FLT3: variants seen among roughly 807,000 people sequenced by gnomAD.
The protein encoded by FLT3 is receptor-type tyrosine-protein kinase FLT3.
A neutral mutation model predicts 126.6 loss-of-function variants in FLT3; 46 were observed. That is an observed-to-expected ratio of 0.36 (90% CI 0.29 to 0.46). The LOEUF (loss-of-function observed/expected upper bound fraction) is 0.46. Ranked by LOEUF, FLT3 falls within the 20% of genes least tolerant of loss-of-function variation. FLT3 has a pLI of 1.00. For missense variants in FLT3, 1,069 were observed against 1,190.3 expected, an observed-to-expected ratio of 0.90 and a Z score of 1.50; for synonymous variants, 404 against 434.4, an observed-to-expected ratio of 0.93 and a Z score of 0.87.
At chr13:28,066,917 A>G (rs1040921908) in intron 2 of FLT3, among the ~76,000 whole-genome samples, 1 of 152,184 alleles carries the variant, frequency 6.6e-6, no homozygotes, top group Non-Finnish European at 1.5e-5. Flanking sequence ...CAGTGGGGAT[A>G]CCTGGCATGC....
At chr13:28,075,526 AC>A (rs111391824) in intron 1 of FLT3, among the ~76,000 whole-genome samples, 15,107 of 152,058 alleles carry the variant, frequency 0.099, 2,495 homozygotes, top group African/African-American at 0.34. Context: ...GGAGTTCAAG[AC>A]CAGCCTGGCC....
At chr13:28,076,795 C>T (rs1877953501) in intron 1 of FLT3, among the ~76,000 whole-genome samples, 1 of 152,042 alleles carries the variant, frequency 6.6e-6, no homozygotes, top group African/African-American at 2.4e-5. Context: ...GGTGTGGTAG[C>T]ATGTATCTGT....
chr13:28,067,372 A>C (rs966930285), intron 2 of FLT3, among the ~76,000 whole-genome samples: 1 of 152,200 alleles, frequency 6.6e-6, no homozygotes, highest in African/African-American at 2.4e-5. Context: ...CACAATCTGG[A>C]TAGACAAATC....
intron 10 of FLT3, among the ~76,000 whole-genome samples, chr13:28,036,414 C>T (rs1015236629): frequency 3.3e-5 from 5 of 152,118 alleles, no homozygotes; most frequent in African/African-American, 1.2e-4. Flanking sequence ...TTTTCCATTG[C>T]CAGCCTCTCC....
At chr13:28,090,038 G>T (rs149550908) in intron 1 of FLT3, among the ~76,000 whole-genome samples, 1 of 151,326 alleles carries the variant, frequency 6.6e-6, no homozygotes, top group South Asian at 2.1e-4. Flanking sequence ...ACTGCGCCCC[G>T]CCGTGAGGGA....
intron 1 of FLT3, among the ~76,000 whole-genome samples, chr13:28,096,622 A>C (rs1048947944): frequency 1.3e-5 from 2 of 152,064 alleles, no homozygotes; most frequent in Non-Finnish European, 2.9e-5. Context: ...TTTTTAGTAG[A>C]AACAGGGTTT....
chr13:28,007,520 T>A (rs1294963951), intron 23 of FLT3, among the ~76,000 whole-genome samples: 1 of 152,234 alleles, frequency 6.6e-6, no homozygotes, highest in East Asian at 1.9e-4. Flanking sequence ...GTGCTGGGAT[T>A]ACAGGCGTGA....
chr13:28,098,252 T>G (rs565427679), intron 1 of FLT3, among the ~76,000 whole-genome samples: 16 of 147,658 alleles, frequency 1.1e-4, no homozygotes, highest in East Asian at 4.0e-4. Flanking sequence ...GAGGCGGAGG[T>G]TGCAGTGAGC....
At chr13:28,091,309 C>T (rs1234447094) in intron 1 of FLT3, among the ~76,000 whole-genome samples, 11 of 144,548 alleles carry the variant, frequency 7.6e-5, no homozygotes, top group South Asian at 2.2e-4. Flanking sequence ...GCAAGCTCCG[C>T]CTCCCGGGTT....
intron 1 of FLT3, among the ~76,000 whole-genome samples, chr13:28,096,723 C>A (rs950310652): frequency 2.0e-5 from 3 of 151,934 alleles, no homozygotes; most frequent in African/African-American, 7.2e-5. Flanking sequence ...TGAGCCATCG[C>A]ACCCAGCCAG....
chr13:28,089,265 T>C (rs1878876203), intron 1 of FLT3, among the ~76,000 whole-genome samples: 1 of 152,150 alleles, frequency 6.6e-6, no homozygotes, highest in South Asian at 2.1e-4. Flanking sequence ...AAATGACAAA[T>C]GGTACAATCA....
At chr13:28,041,052 G>A (rs1463139848) in intron 9 of FLT3, among the ~76,000 whole-genome samples, 1 of 152,128 alleles carries the variant, frequency 6.6e-6, no homozygotes, top group Non-Finnish European at 1.5e-5. Flanking sequence ...GTCAAAAAGG[G>A]GAATTTCTTA....
chr13:28,050,518 AG>A (rs1875345150), intron 5 of FLT3, among the ~76,000 whole-genome samples: 1 of 152,212 alleles, frequency 6.6e-6, no homozygotes, highest in African/African-American at 2.4e-5. Context: ...AGGGAAAGAA[AG>A]GGAAAAAAAT....
rs576387589 is a variant in FLT3, at chr13:28,007,277, C to T, written c.2860-3103G>A. Among the ~76,000 whole-genome samples the T allele has an allele frequency of 3.9e-5, 6 of 152,214 alleles. 1 individual carries two copies. Among genetic ancestry groups the T allele is most frequent in the African/African-American group, 1.4e-4 (6 of 41,532 alleles). On this transcript the variant is annotated intron_variant, in intron 23 of 23. Coordinates refer to ENST00000241453, the MANE Select transcript of FLT3 (RefSeq NM_004119.3). ...TTTTTTCTTTTTCAAGACAGGGTCT[C>T]GCTCTGTCACTCAGGCTGGAGTACA...
At chr13:28,007,399 A>C (rs1871002442) in intron 23 of FLT3, among the ~76,000 whole-genome samples, 1 of 152,066 alleles carries the variant, frequency 6.6e-6, no homozygotes, top group Non-Finnish European at 1.5e-5. Context: ...GGTGTGCGCC[A>C]CTACACCTGG....
At chr13:28,072,091 C>T (rs1421835891) in intron 1 of FLT3, among the ~76,000 whole-genome samples, 1 of 151,156 alleles carries the variant, frequency 6.6e-6, no homozygotes, top group African/African-American at 2.4e-5. Flanking sequence ...ATAAAAATTG[C>T]AGTGTACATC....
intron 1 of FLT3, among the ~76,000 whole-genome samples, chr13:28,076,292 C>T (rs987537973): frequency 1.3e-5 from 2 of 152,116 alleles, no homozygotes; most frequent in Non-Finnish European, 2.9e-5. Context: ...TAGTAGCCTT[C>T]TCCAGAGGGA....
chr13:28,005,051 C>T (rs985914454), intron 23 of FLT3, among the ~76,000 whole-genome samples: 2 of 152,180 alleles, frequency 1.3e-5, no homozygotes, highest in South Asian at 2.1e-4. Context: ...CGTAGAAGGC[C>T]GGGCGCAGTG....
chr13:28,047,820 T>C (rs1037584027), intron 9 of FLT3, among the ~76,000 whole-genome samples: 1 of 152,186 alleles, frequency 6.6e-6, no homozygotes, highest in African/African-American at 2.4e-5. Context: ...AACATTTTCC[T>C]TCAGCACTTA....
Sources: allele counts gnomAD v4.1 joint callset (sites outside exome capture counted in the v4.1 genomes callset), GRCh38; gene constraint gnomAD v4.1.1; transcripts MANE v1.5; gene names NCBI Gene and HGNC (gene_info 2026-07-23, HGNC 2026-07-21).